Variants in TMEM62 observed in about 807,000 individuals in gnomAD.
The protein encoded by TMEM62 is transmembrane protein 62.
A neutral mutation model predicts 70.4 loss-of-function variants in TMEM62; 41 were observed. The ratio of observed to expected loss-of-function variants is 0.58; its 90% CI spans 0.45 to 0.76. TMEM62 has a LOEUF of 0.76. TMEM62 is among the 30% of genes least tolerant of loss of function. The pLI is 0.00. For missense variants in TMEM62, 688 were observed against 788.5 expected, an observed-to-expected ratio of 0.87 and a Z score of 1.53; for synonymous variants, 268 against 291.0, an observed-to-expected ratio of 0.92 and a Z score of 0.80.
At chr15:43,143,353 C>T (rs1213188553) in intron 4 of TMEM62, among the ~76,000 whole-genome samples, 7 of 152,238 alleles carry the variant, frequency 4.6e-5, no homozygotes, top group South Asian at 2.1e-4. Flanking sequence ...TAAGCCACTA[C>T]GCCCAGCCGT....
intron 13 of TMEM62, among the ~76,000 whole-genome samples, chr15:43,182,154 A>G (rs917777465): frequency 6.6e-6 from 1 of 152,358 alleles, no homozygotes; most frequent in Middle Eastern, 3.4e-3. Context: ...ACCTTGATCC[A>G]TAGAAAAACT....
Position 43,149,048 on chromosome 15 carries a change from T to C in TMEM62, c.763T>C (p.Cys255Arg). 1 of 1,614,158 alleles carries C rather than the reference T, an allele frequency of 6.2e-7. No individual in the cohort carries two copies. Among genetic ancestry groups the C allele is most frequent in the Non-Finnish European group, 8.5e-7 (1 of 1,180,034 alleles). The change falls in exon 7 of 14, where the codon TGT becomes CGT. Residue 255 changes from cysteine to arginine, a missense_variant. Transcript: ENST00000260403. ...GGTTAGTTCGGCTATAGCTTATTTG[T>C]GTGGACATCTCCATACACTTGGTGG... is the stretch of plus-strand genomic sequence containing the variant. ...SIMSSAIAYL[C>R]GHLHTLGGLM...
intron 10 of TMEM62, among the ~76,000 whole-genome samples, chr15:43,161,525 A>G (rs1166415438): frequency 6.6e-6 from 1 of 152,226 alleles, no homozygotes; most frequent in African/African-American, 2.4e-5. Flanking sequence ...AATCAGCCAC[A>G]CATCTTTCTT....
At chr15:43,138,296 C>A (rs142813264) in intron 3 of TMEM62, among the ~76,000 whole-genome samples, 1 of 152,098 alleles carries the variant, frequency 6.6e-6, no homozygotes, top group Admixed American at 6.5e-5. Flanking sequence ...GGACTCTGTT[C>A]TGAGTCAGGG....
At chr15:43,153,834 G>T (rs2011501806) in intron 8 of TMEM62, among the ~76,000 whole-genome samples, 2 of 152,202 alleles carry the variant, frequency 1.3e-5, no homozygotes, top group African/African-American at 4.8e-5. Flanking sequence ...AGTCCCTGCT[G>T]TCACTTCTTT....
chr15:43,137,794 G>A (rs963600965), intron 3 of TMEM62, among the ~76,000 whole-genome samples: 5 of 152,246 alleles, frequency 3.3e-5, no homozygotes, highest in African/African-American at 4.8e-5. Flanking sequence ...CAGCTCTACT[G>A]TCTGTGCTGG....
chr15:43,160,239 G>A (rs917834446), intron 9 of TMEM62: 1 of 152,130 alleles, frequency 6.6e-6, no homozygotes, highest in Non-Finnish European at 1.5e-5. Flanking sequence ...AAAGTGCTGG[G>A]ATTACAGGTG....
At position 43,169,731 on chromosome 15, in the gene TMEM62, C is replaced by T. The variant is rs1052947220; in HGVS notation, c.1381+54C>T. 4.1e-6 allele frequency: 6 copies of T among 1,452,006 alleles called. No homozygotes were observed. In the African/African-American group the frequency reaches 7.1e-5, roughly 17 times the overall value. The allele number at this position is 1,452,006 out of a possible 1,614,324, so 89.9% of individuals were successfully genotyped here. ...AGCCTTGTTCATGGAAAAAACCAAA[C>T]TCCGTAAAATATTTTAAAGAGGTTT... is the stretch of plus-strand genomic sequence containing the variant. On this transcript the variant is annotated intron_variant, in intron 11 of 13. Coordinates refer to ENST00000260403, the MANE Select transcript of TMEM62 (RefSeq NM_024956.4).
Position 43,133,958 on chromosome 15 carries a change from C to T in TMEM62, c.156C>T (p.Asp52=). The T allele has an allele frequency of 6.8e-7, 1 of 1,462,922 alleles. No homozygotes were observed. Among genetic ancestry groups the T allele is most frequent in the South Asian group, 1.4e-5 (1 of 73,752 alleles). The allele number at this position is 1,462,922 out of a possible 1,614,324, so 90.6% of individuals were successfully genotyped here. A position where few individuals can be genotyped will look rare whatever the true frequency, so the allele number is the denominator to read the frequency against. The change falls in exon 1 of 14, where the codon GAC becomes GAT. Residue 52 remains aspartate (D), a synonymous_variant. Coordinates refer to ENST00000260403, the MANE Select transcript of TMEM62 (RefSeq NM_024956.4). ...RRPHPAPGPG[D]SNIFWGLQIS... ...CGCACCCTGCGCCAGGGCCCGGAGA[C>T]AGCAACATCTTCTGGGGCCTGCAGG...
intron 4 of TMEM62, among the ~76,000 whole-genome samples, chr15:43,139,114 GTC>G (rs149797946): frequency 0.041 from 6,284 of 152,168 alleles, 436 homozygotes; most frequent in African/African-American, 0.14. Flanking sequence ...CTCACTTCCT[GTC>G]TCTGTGTCTC....
At chr15:43,137,077 T>C (rs2035328781) in intron 3 of TMEM62, among the ~76,000 whole-genome samples, 1 of 152,126 alleles carries the variant, frequency 6.6e-6, no homozygotes, top group South Asian at 2.1e-4. Context: ...TGCAAACAAA[T>C]CTCCATAGGC....
chr15:43,170,013 G>A (rs972294104), intron 11 of TMEM62, among the ~76,000 whole-genome samples: 9 of 152,240 alleles, frequency 5.9e-5, no homozygotes, highest in African/African-American at 2.2e-4. Flanking sequence ...TTAAAGGACT[G>A]AGGCTCTGTC....
intron 9 of TMEM62, among the ~76,000 whole-genome samples, chr15:43,159,066 A>G (rs2038366243): frequency 6.6e-6 from 1 of 152,070 alleles, no homozygotes; most frequent in African/African-American, 2.4e-5. Context: ...AGCTTTTCTT[A>G]TGCATTTTTT....
chr15:43,184,740 C>G lies in TMEM62; in HGVS notation c.*154C>G, dbSNP rs1340690866. On this transcript the variant is annotated 3_prime_UTR_variant, in exon 14 of 14. Coordinates refer to ENST00000260403, the MANE Select transcript of TMEM62 (RefSeq NM_024956.4). ...GAGTCCTGGACGTTGGAGGGATTAC[C>G]CACTACTGATACCTGCAGAATGGAC... The G allele has an allele frequency of 6.2e-6, 4 of 646,546 alleles. No individual in the cohort carries two copies. The East Asian group carries it at 1.1e-4, about 18-fold the overall frequency. The allele number at this position is 646,546 out of a possible 1,614,324, so 40.1% of individuals were successfully genotyped here.
chr15:43,139,741 A>G (rs1297811434), intron 4 of TMEM62, among the ~76,000 whole-genome samples: 2 of 152,224 alleles, frequency 1.3e-5, no homozygotes, highest in Non-Finnish European at 2.9e-5. Flanking sequence ...CTTCAATTCT[A>G]TGAAGGCTGA....
At chr15:43,144,596 A>C (rs2036439767) in intron 4 of TMEM62, among the ~76,000 whole-genome samples, 1 of 152,240 alleles carries the variant, frequency 6.6e-6, no homozygotes, top group Non-Finnish European at 1.5e-5. Context: ...ATCTGAACTA[A>C]GTTCTTGGAT....
Position 43,169,670 on chromosome 15 carries a change from G to C in TMEM62, c.1374G>C (p.Glu458Asp). ...LIIFRYRGYP[E>D]LKEPSGFINL... ...TTTTTAGATATCGAGGATACCCAGA[G>C]CTTAAAGGTTAGTTATGGTTCCTTT... The change falls in exon 11 of 14, where the codon GAG becomes GAC. Residue 458 changes from glutamate (E) to aspartate (D), a missense_variant. Coordinates refer to ENST00000260403, the MANE Select transcript of TMEM62 (RefSeq NM_024956.4). The C allele has an allele frequency of 6.2e-7, 1 of 1,613,638 alleles. No individual in the cohort carries two copies. The highest frequency in any genetic ancestry group is 8.5e-7 in the Non-Finnish European group (1 of 1,179,632).
intron 3 of TMEM62, among the ~76,000 whole-genome samples, chr15:43,136,565 C>T (rs2035247873): frequency 6.6e-6 from 1 of 152,008 alleles, no homozygotes; most frequent in Admixed American, 6.6e-5. Flanking sequence ...CTGCCTCAAC[C>T]TCCTGAGTAG....
chr15:43,179,161 G>C (rs1192266137), intron 12 of TMEM62, among the ~76,000 whole-genome samples: 5 of 152,138 alleles, frequency 3.3e-5, no homozygotes, highest in African/African-American at 4.8e-5. Context: ...CTACTTGGGG[G>C]CTGAGGCGAG....
Sources: gnomAD v4.1 joint callset for allele counts (sites outside exome capture counted in the v4.1 genomes callset) on GRCh38, gnomAD v4.1.1 for gene constraint, MANE v1.5 for transcripts, NCBI Gene and HGNC (gene_info 2026-07-23, HGNC 2026-07-21) for gene names.